The following SPAG16 variants were observed in gnomAD, a reference collection of about 807,000 sequenced individuals.
SPAG16 encodes the protein sperm-associated antigen 16 protein.
In SPAG16, 86 loss-of-function variants were observed where a neutral mutation model predicts 80.4. The observed-to-expected ratio is 1.07, with a 90% confidence interval of 0.90 to 1.28. SPAG16 has a LOEUF of 1.28. SPAG16 is among the 50% of genes most tolerant of loss of function. The probability of loss-of-function intolerance (pLI) is 0.00; values close to 1 mark genes in which losing one functional copy is unlikely to be tolerated. For missense variants in SPAG16, 870 were observed against 765.3 expected, an observed-to-expected ratio of 1.14 and a Z score of -1.61; for synonymous variants, 294 against 265.9, an observed-to-expected ratio of 1.11 and a Z score of -1.03.
intron 10 of SPAG16, among the ~76,000 whole-genome samples, chr2:213,585,186 T>A (rs1242013485): frequency 7.1e-6 from 1 of 140,056 alleles, no homozygotes; most frequent in Non-Finnish European, 1.5e-5. Flanking sequence ...TGAGACTCCA[T>A]CTCAAAAAAA....
intron 14 of SPAG16, among the ~76,000 whole-genome samples, chr2:214,110,550 C>T (rs949446102): frequency 6.6e-6 from 1 of 152,036 alleles, no homozygotes; most frequent in Non-Finnish European, 1.5e-5. Context: ...TGGACATTTG[C>T]GTTGGTTCCA....
chr2:213,817,236 A>C (rs1314653272), intron 10 of SPAG16, among the ~76,000 whole-genome samples: 1 of 144,786 alleles, frequency 6.9e-6, no homozygotes, highest in Admixed American at 6.9e-5. Flanking sequence ...ATATGCTTAT[A>C]TATATATACT....
chr2:214,083,750 G>A (rs1225539530), intron 13 of SPAG16, among the ~76,000 whole-genome samples: 2 of 152,076 alleles, frequency 1.3e-5, no homozygotes, highest in East Asian at 1.9e-4. Flanking sequence ...TATGTTGCAT[G>A]AGGCTGACGT....
chr2:214,354,087 A>G (rs1275812202), intron 15 of SPAG16, among the ~76,000 whole-genome samples: 4 of 150,092 alleles, frequency 2.7e-5, no homozygotes, highest in African/African-American at 9.7e-5. Context: ...CCCCATAAAT[A>G]TATATATGTA....
intron 15 of SPAG16, among the ~76,000 whole-genome samples, chr2:214,291,713 A>G (rs991972558): frequency 3.4e-4 from 52 of 152,006 alleles, no homozygotes; most frequent in Admixed American, 2.0e-3. Context: ...TTCCTACCAC[A>G]TTGTTGTTTC....
chr2:213,470,303 CT>C (rs2073008866), intron 9 of SPAG16, among the ~76,000 whole-genome samples: 1 of 152,122 alleles, frequency 6.6e-6, no homozygotes, highest in African/African-American at 2.4e-5. Context: ...CACTGCCCCA[CT>C]TTTTTAGCTG....
In SPAG16 at chr2:213,340,262, C is replaced by A. The variant is rs752152769; in HGVS notation, c.636C>A (p.Asp212Glu). ...IVQEKNKLIN[D>E]LKGLKLHYAS... is the part of the protein sequence containing the mutation. ...AGGAAAAAAACAAATTAATTAATGA[C>A]CTCAAAGGGTAAGCTTATACTTGTT... The change falls in exon 6 of 16, where the codon GAC becomes GAA. Residue 212 changes from aspartate to glutamate, a missense_variant. By Grantham distance (45) the Asp-to-Glu change is conservative. Coordinates refer to ENST00000331683, the MANE Select transcript of SPAG16 (RefSeq NM_024532.5). 4.4e-6 allele frequency: 7 copies of A among 1,589,208 alleles called. No homozygotes were observed. In the South Asian group the frequency reaches 7.8e-5, roughly 18 times the overall value.
At chr2:213,616,532 G>A (rs114780125) in intron 10 of SPAG16, among the ~76,000 whole-genome samples, 107 of 152,266 alleles carry the variant, frequency 7.0e-4, no homozygotes, top group African/African-American at 2.5e-3. Flanking sequence ...TCATAGAAGG[G>A]GGGTGTCAGG....
chr2:214,357,999 C>T (rs1197538425), intron 15 of SPAG16, among the ~76,000 whole-genome samples: 2 of 151,864 alleles, frequency 1.3e-5, no homozygotes, highest in Non-Finnish European at 2.9e-5. Flanking sequence ...AAAACAAAAT[C>T]CTGTTTCTTG....
intron 10 of SPAG16, among the ~76,000 whole-genome samples, chr2:213,679,704 G>T (rs765781269): frequency 3.9e-5 from 6 of 152,126 alleles, no homozygotes; most frequent in Non-Finnish European, 8.8e-5. Context: ...CTTAAGAATG[G>T]CATGATACTT....
chr2:213,437,380 C>A (rs906906607), intron 9 of SPAG16, among the ~76,000 whole-genome samples: 1 of 152,118 alleles, frequency 6.6e-6, no homozygotes, highest in Non-Finnish European at 1.5e-5. Context: ...TAACTTTTAA[C>A]GGGTTAAATA....
intron 12 of SPAG16, among the ~76,000 whole-genome samples, chr2:214,008,951 G>A (rs867502294): frequency 1.2e-4 from 18 of 152,194 alleles, no homozygotes; most frequent in Non-Finnish European, 2.2e-4. Context: ...AACCTTACCC[G>A]TACCCCTATA....
chr2:213,841,851 T>A (rs1243542532), intron 10 of SPAG16, among the ~76,000 whole-genome samples: 1 of 152,134 alleles, frequency 6.6e-6, no homozygotes, highest in African/African-American at 2.4e-5. Context: ...AAGTTATATG[T>A]ATAAGAATTT....
chr2:213,857,221 C>T (rs927775222), intron 10 of SPAG16, among the ~76,000 whole-genome samples: 7 of 152,154 alleles, frequency 4.6e-5, no homozygotes, highest in Admixed American at 4.6e-4. Context: ...CAGAGAGAGA[C>T]TGCATCTCAA....
intron 12 of SPAG16, among the ~76,000 whole-genome samples, chr2:213,971,337 A>G (rs1021878908): frequency 6.6e-6 from 1 of 152,120 alleles, no homozygotes; most frequent in South Asian, 2.1e-4. Flanking sequence ...ATGCTGTTAA[A>G]CCTTTTTAAA....
intron 13 of SPAG16, among the ~76,000 whole-genome samples, chr2:214,016,882 A>G (rs2047617806): frequency 6.6e-6 from 1 of 152,152 alleles, no homozygotes; most frequent in Non-Finnish European, 1.5e-5. Flanking sequence ...GAGAAATGTA[A>G]TTTCTCCCAT....
intron 10 of SPAG16, among the ~76,000 whole-genome samples, chr2:213,635,030 C>CT (rs1263027200): frequency 9.3e-5 from 14 of 150,000 alleles, no homozygotes; most frequent in Admixed American, 8.6e-4. Flanking sequence ...TTTCATATTT[C>CT]TTTTTCTTTC....
chr2:214,254,774 GA>G (rs2125857321), intron 15 of SPAG16, among the ~76,000 whole-genome samples: 1 of 111,218 alleles, frequency 9.0e-6, no homozygotes, highest in South Asian at 3.5e-4. Context: ...AGGAGTAAAA[GA>G]TATATTTAGT....
At chr2:214,189,517 A>G (rs566917598) in intron 15 of SPAG16, among the ~76,000 whole-genome samples, 22 of 152,086 alleles carry the variant, frequency 1.4e-4, no homozygotes, top group Admixed American at 2.0e-4. Flanking sequence ...ACAAAGCTCT[A>G]TGTACCTGTG....
Sources: allele counts gnomAD v4.1 joint callset (sites outside exome capture counted in the v4.1 genomes callset), GRCh38; gene constraint gnomAD v4.1.1; transcripts MANE v1.5; gene names NCBI Gene and HGNC (gene_info 2026-07-23, HGNC 2026-07-21).